Variants in PPM1K observed in about 807,000 individuals in gnomAD.
PPM1K encodes protein phosphatase, Mg2+/Mn2+ dependent 1K.
In PPM1K, 19 loss-of-function variants were observed where a neutral mutation model predicts 32.6. The observed-to-expected ratio is 0.58, with a 90% CI of 0.41 to 0.86. The LOEUF is 0.86. Among genes scored for constraint, PPM1K ranks in the 40% least tolerant of loss-of-function variants. The pLI is 0.00. For missense variants in PPM1K, 362 were observed against 461.2 expected (o/e 0.78, Z 1.97); for synonymous variants, 159 against 165.3 (o/e 0.96, Z 0.29).
intron 3 of PPM1K, chr4:88,274,950 CAA>C (rs1731704716): frequency 2.7e-6 from 1 of 370,924 alleles, no homozygotes; most frequent in South Asian, 1.1e-4. Context: ...ATTTTAATAA[CAA>C]ATAACAAATT....
Position 88,261,889 on chromosome 4 carries a change from T to C in PPM1K, c.*706A>G, listed in dbSNP as rs1418991168. 3.5e-5 allele frequency: 5 copies of C among 142,142 alleles called. No individual in the cohort carries two copies. Among genetic ancestry groups the C allele is most frequent in the African/African-American group, 1.3e-4 (5 of 37,880 alleles). 8.8% of individuals were successfully genotyped at this position (142,142 alleles called of 1,614,324 possible). A position where few individuals can be genotyped will look rare whatever the true frequency, so the allele number is the denominator to read the frequency against. On this transcript the variant is annotated 3_prime_UTR_variant, in exon 7 of 7. Coordinates refer to ENST00000608933, the MANE Select transcript of PPM1K (RefSeq NM_152542.5). ...ATTTTTTTTTTTTTTTTTTTTTTTT[T>C]TTTGGATTTTTACTAGAGACAGGGT...
chr4:88,273,224 T>C (rs1295582670), intron 3 of PPM1K, among the ~76,000 whole-genome samples: 1 of 152,188 alleles, frequency 6.6e-6, no homozygotes, highest in Non-Finnish European at 1.5e-5. Flanking sequence ...TGTAGGCACA[T>C]AGTGAGGGTA....
intron 5 of PPM1K, among the ~76,000 whole-genome samples, chr4:88,266,068 T>C (rs998579698): frequency 6.6e-6 from 1 of 152,232 alleles, no homozygotes; most frequent in African/African-American, 2.4e-5. Flanking sequence ...TGCCTAAGTA[T>C]CTGTTAGATA....
chr4:88,262,929 G>A (rs554870655), intron 6 of PPM1K, among the ~76,000 whole-genome samples: 1 of 152,128 alleles, frequency 6.6e-6, no homozygotes, highest in African/African-American at 2.4e-5. Flanking sequence ...AATTGCACAC[G>A]GAATAACAGA....
intron 1 of PPM1K, among the ~76,000 whole-genome samples, chr4:88,280,671 G>A (rs1371586554): frequency 6.6e-6 from 1 of 152,208 alleles, no homozygotes; most frequent in Non-Finnish European, 1.5e-5. Flanking sequence ...GCTGAGGTGG[G>A]AGGACTGCTT....
intron 3 of PPM1K, 58 bp from the exon 4 acceptor site, chr4:88,268,964 G>A: frequency 7.1e-7 from 1 of 1,408,112 alleles, no homozygotes; most frequent in Non-Finnish European, 9.7e-7. Context: ...ATTGGATATG[G>A]AATTTTTATT....
chr4:88,277,842 G>T, intron 2 of PPM1K: 1 of 434,468 alleles, frequency 2.3e-6, no homozygotes, highest in South Asian at 2.5e-5. Context: ...ACACTGATGG[G>T]AGTAAATGCT....
At chr4:88,273,318 T>C (rs1731634954) in intron 3 of PPM1K, among the ~76,000 whole-genome samples, 1 of 152,138 alleles carries the variant, frequency 6.6e-6, no homozygotes, top group Non-Finnish European at 1.5e-5. Flanking sequence ...CCTGAAAAAT[T>C]GAGCTGCAAA....
At chr4:88,274,957 C>A (rs1486904712) in intron 3 of PPM1K, 5 of 394,702 alleles carry the variant, frequency 1.3e-5, no homozygotes, top group Non-Finnish European at 1.7e-5. Context: ...TAACAAATAA[C>A]AAATTTAATA....
At position 88,259,310 on chromosome 4, in the gene PPM1K, C is replaced by G. The variant is rs1731035498; in HGVS notation, c.*3285G>C. On this transcript the variant is annotated 3_prime_UTR_variant, in exon 7 of 7. Coordinates refer to ENST00000608933, the MANE Select transcript of PPM1K (RefSeq NM_152542.5). ...TACAAAATCTGTAACAAACGAACAG[C>G]TGATGGAGAACAGGACAGCATTTAC... is the stretch of plus-strand genomic sequence containing the variant. 1 of 151,326 alleles carries G rather than the reference C, an allele frequency of 6.6e-6. No individual in the cohort carries two copies. The highest frequency in any genetic ancestry group is 1.5e-5 in the Non-Finnish European group (1 of 67,894). 9.4% of individuals were successfully genotyped at this position (151,326 alleles called of 1,614,324 possible).
chr4:88,282,048 G>T (rs988622186), intron 1 of PPM1K, among the ~76,000 whole-genome samples: 1 of 152,038 alleles, frequency 6.6e-6, no homozygotes, highest in African/African-American at 2.4e-5. Flanking sequence ...ATTGTCTTTT[G>T]TCAGTTCAGC....
Position 88,258,010 on chromosome 4 carries a change from C to T in PPM1K, c.*4585G>A, listed in dbSNP as rs1730970947. The T allele has an allele frequency of 1.3e-5, 2 of 152,194 alleles. No homozygotes were observed. Among genetic ancestry groups the T allele is most frequent in the Admixed American group, 1.3e-4 (2 of 15,280 alleles). 9.4% of individuals were successfully genotyped at this position (152,194 alleles called of 1,614,324 possible). A position where few individuals can be genotyped will look rare whatever the true frequency, so the allele number is the denominator to read the frequency against. On this transcript the variant is annotated 3_prime_UTR_variant, in exon 7 of 7. Coordinates refer to ENST00000608933, the MANE Select transcript of PPM1K (RefSeq NM_152542.5). ...AGTCAATTGTTCTCATCCCAACTGCCAAAAGCAAAAGGCAGGCCATCACAA... is the reference window on the plus strand; with the variant it reads ...AGTCAATTGTTCTCATCCCAACTGCTAAAAGCAAAAGGCAGGCCATCACAA...
rs896832054 is a variant in PPM1K at position 88,258,091 on chromosome 4, T to G, written c.*4504A>C. 2 of 152,224 alleles carry G rather than the reference T, an allele frequency of 1.3e-5. No homozygotes were observed. Among genetic ancestry groups the G allele is most frequent in the African/African-American group, 4.8e-5 (2 of 41,460 alleles). 9.4% of individuals were successfully genotyped at this position (152,224 alleles called of 1,614,324 possible). A position where few individuals can be genotyped will look rare whatever the true frequency, so the allele number is the denominator to read the frequency against. ...TTTATTTCTGCCTAAGTCATCTATA[T>G]AAGCGAATCTAATAAATACAATAAA... is the stretch of plus-strand genomic sequence containing the variant. On this transcript the variant is annotated 3_prime_UTR_variant, in exon 7 of 7. Coordinates refer to ENST00000608933, the MANE Select transcript of PPM1K (RefSeq NM_152542.5).
At chr4:88,272,880 A>G (rs535169778) in intron 3 of PPM1K, among the ~76,000 whole-genome samples, 1 of 152,366 alleles carries the variant, frequency 6.6e-6, no homozygotes, top group East Asian at 1.9e-4. Context: ...AGCTTTTATT[A>G]TATTTTACAG....
At position 88,258,971 on chromosome 4, in the gene PPM1K, C is replaced by T. The variant is rs1490336051; in HGVS notation, c.*3624G>A. 1 of 151,900 alleles carries T rather than the reference C, an allele frequency of 6.6e-6. No homozygotes were observed. The highest frequency in any genetic ancestry group is 1.5e-5 in the Non-Finnish European group (1 of 68,076). The allele number at this position is 151,900 out of a possible 1,614,324, so 9.4% of individuals were successfully genotyped here. ...GCACGGTGGCGGACGCCTGTAATTCCAGCTACTCGGGAGGCTGAGGCAGGA... is the reference window on the plus strand; with the variant it reads ...GCACGGTGGCGGACGCCTGTAATTCTAGCTACTCGGGAGGCTGAGGCAGGA... On this transcript the variant is annotated 3_prime_UTR_variant, in exon 7 of 7. Coordinates refer to ENST00000608933, the MANE Select transcript of PPM1K (RefSeq NM_152542.5).
Position 88,268,265 on chromosome 4 carries a change from T to C in PPM1K, c.777A>G (p.Ala259=). ...LGQPHVNGRL[A]MTRSIGDLDL... ...CCAAATCTCCAATACTTCTTGTCAT[T>C]GCAAGCCTGCCATTTACGTGAGGCT... Residue 259 remains alanine, a synonymous_variant, in exon 5 of 7, where the codon GCA becomes GCG. Transcript: ENST00000608933. The C allele has an allele frequency of 6.2e-7, 1 of 1,614,148 alleles. No individual in the cohort carries two copies. Among genetic ancestry groups the C allele is most frequent in the Non-Finnish European group, 8.5e-7 (1 of 1,179,996 alleles).
At chr4:88,264,837 T>A (rs1488371628) in intron 6 of PPM1K, among the ~76,000 whole-genome samples, 164 bp downstream of exon 6, 1 of 152,220 alleles carries the variant, frequency 6.6e-6, no homozygotes, top group Non-Finnish European at 1.5e-5. Flanking sequence ...CACATTTCCT[T>A]GGCATATTAA....
chr4:88,275,102 A>T (rs890767127), intron 3 of PPM1K: 2 of 679,632 alleles, frequency 2.9e-6, no homozygotes, highest in South Asian at 6.7e-5. Flanking sequence ...AAATATCTTA[A>T]GAATGTTCTG....
At chr4:88,276,831 C>T (rs1731784629) in intron 3 of PPM1K, 2 of 1,024,994 alleles carry the variant, frequency 2.0e-6, no homozygotes, top group Non-Finnish European at 2.3e-6. Flanking sequence ...ACATTTTGTC[C>T]ATAAAATAAG....
Sources: gnomAD v4.1 joint callset for allele counts (sites outside exome capture counted in the v4.1 genomes callset) on GRCh38, gnomAD v4.1.1 for gene constraint, MANE v1.5 for transcripts, NCBI Gene and HGNC (gene_info 2026-07-23, HGNC 2026-07-21) for gene names.